MDN1: variants seen among roughly 807,000 people sequenced by gnomAD.
MDN1 encodes midasin AAA ATPase 1.
Under a neutral mutation model 669.2 loss-of-function variants are expected in MDN1, and 266 were observed. The observed-to-expected ratio is 0.40, with a 90% CI of 0.36 to 0.44. MDN1 has a LOEUF of 0.44. Ranked by LOEUF, MDN1 falls within the 20% of genes least tolerant of loss-of-function variation. The pLI is 1.00. For missense variants in MDN1, 5,940 were observed against 6,754.0 expected (o/e 0.88, Z 4.22); for synonymous variants, 2,385 against 2,457.1 (o/e 0.97, Z 0.87).
At chr6:89,747,292 A>G (rs1185036731) in intron 27 of MDN1, 37 bp downstream of exon 27, 1 of 1,589,970 alleles carries the variant, frequency 6.3e-7, no homozygotes, top group Admixed American at 1.9e-5. Flanking sequence ...GACATTTAAC[A>G]TAACTATATA....
chr6:89,689,811 AGCATCTATTT>A (rs1036819350), intron 65 of MDN1, 49 bp downstream of exon 65: 29 of 1,539,448 alleles, frequency 1.9e-5, no homozygotes. Flanking sequence ...GAGTAGCAAC[AGCATCTATTT>A]GCATTTGCTT....
At chr6:89,653,288 G>A in intron 93 of MDN1, 133 bp from the exon 94 acceptor site, 1 of 872,870 alleles carries the variant, frequency 1.1e-6, no homozygotes, top group Non-Finnish European at 1.7e-6. Context: ...TCCACATGTT[G>A]ATTTCAGAGG....
At chr6:89,721,732 G>A (rs1482555746) in intron 40 of MDN1, among the ~76,000 whole-genome samples, 2 of 152,062 alleles carry the variant, frequency 1.3e-5, no homozygotes, top group African/African-American at 2.4e-5. Flanking sequence ...TTTGTAGACC[G>A]CCTGATGGAG....
chr6:89,693,218 G>T, intron 62 of MDN1, 70 bp from the exon 63 acceptor site: 1 of 1,148,818 alleles, frequency 8.7e-7, no homozygotes, highest in Non-Finnish European at 1.2e-6. Flanking sequence ...TGGATCCTCA[G>T]CTAGGAAAAC....
At position 89,674,185 on chromosome 6, in the gene MDN1, T is replaced by A. The variant is rs777098912; in HGVS notation, c.13166A>T (p.Glu4389Val). ...CACTGTTTTAATGGTTTTTAGCATC[T>A]CTGTTAATCTCGTAGTTGACTGTTG... ...LWQQSTTRLT[E>V]MLKTIKTVKA... Residue 4389 changes from glutamate to valine, a missense_variant, in exon 79 of 102, where the codon GAG becomes GTG. Around this residue, in one of 5 missense-constraint regions of MDN1, gnomAD observed 2,280 missense variants for 2,576.3 expected, o/e 0.88. Transcript: ENST00000369393. 6.2e-6 allele frequency: 10 copies of A among 1,614,232 alleles called. No individual in the cohort carries two copies. The highest frequency in any genetic ancestry group is 1.6e-4 in the Middle Eastern group (1 of 6,062).
intron 48 of MDN1, 110 bp downstream of exon 48, chr6:89,712,465 C>A (rs1428018702): frequency 1.0e-5 from 12 of 1,143,746 alleles, no homozygotes; most frequent in Non-Finnish European, 1.4e-5. Flanking sequence ...GACAGCTACA[C>A]AATAAATGGC....
At position 89,707,469 on chromosome 6, in the gene MDN1, T is replaced by C. The variant is rs746934734; in HGVS notation, c.7906A>G (p.Ile2636Val). ...ACCCGTTTTTCCCGGTCAAGATATA[T>C]GATTGTCCTGGAATGAGATTCAAAA... ...LLESAANKTI[I>V]YLDREKRVFT... The change falls in exon 52 of 102, where the codon ATA becomes GTA. Residue 2636 changes from isoleucine to valine, a missense_variant. Physicochemically the swap from Ile to Val is conservative, Grantham distance 29 (BLOSUM62 3). This residue lies in a region of MDN1 where 2,292 missense variants were observed against 2,638.3 expected (regional missense o/e 0.87). Coordinates refer to ENST00000369393, the MANE Select transcript of MDN1 (RefSeq NM_014611.3). 3.7e-6 allele frequency: 6 copies of C among 1,602,690 alleles called. No individual in the cohort carries two copies. In the Admixed American group the frequency reaches 5.0e-5, roughly 13 times the overall value.
At chr6:89,646,347 T>A (rs1261220077) in intron 100 of MDN1, among the ~76,000 whole-genome samples, 193 bp downstream of exon 100, 1 of 152,210 alleles carries the variant, frequency 6.6e-6, no homozygotes, top group East Asian at 1.9e-4. Context: ...ATAAGCCTCA[T>A]GAGTACAGGT....
chr6:89,676,281 T>C (rs1401230469), intron 76 of MDN1, 74 bp from the exon 77 acceptor site: 9 of 1,315,078 alleles, frequency 6.8e-6, no homozygotes, highest in East Asian at 2.3e-5. Context: ...AACTCAGATA[T>C]TGGTATATTT....
At position 89,750,419 on chromosome 6, in the gene MDN1, G is replaced by A. The variant is rs772856536; in HGVS notation, c.3341C>T (p.Thr1114Met). The change falls in exon 24 of 102, where the codon ACG becomes ATG. Residue 1114 changes from threonine (T) to methionine (M), a missense_variant. Transcript: ENST00000369393. ...ACAACCAATGTACTCCTGAATATCC[G>A]TGTGTTCGTGATTATTAATACGCAC... ...HCVRINNHEH[T>M]DIQEYIGCYT... 13 of 1,613,800 alleles carry A rather than the reference G, an allele frequency of 8.1e-6. No homozygotes were observed. Among genetic ancestry groups the A allele is most frequent in the Admixed American group, 3.3e-5 (2 of 59,982 alleles).
intron 19 of MDN1, among the ~76,000 whole-genome samples, chr6:89,756,746 C>T (rs1457774976): frequency 6.6e-6 from 1 of 151,976 alleles, no homozygotes; most frequent in Non-Finnish European, 1.5e-5. Context: ...CATGGTGAAA[C>T]CCCGTCTCTA....
intron 31 of MDN1, among the ~76,000 whole-genome samples, chr6:89,742,046 G>A (rs1584298912): frequency 6.6e-6 from 1 of 152,012 alleles, no homozygotes; most frequent in African/African-American, 2.4e-5. Flanking sequence ...GGTTGCAGTG[G>A]GCCAAGATCG....
intron 82 of MDN1, among the ~76,000 whole-genome samples, chr6:89,671,536 T>C (rs1046429862): frequency 2.0e-5 from 3 of 152,052 alleles, no homozygotes; most frequent in African/African-American, 7.2e-5. Context: ...CTTTAAAAAT[T>C]AGCTGGGCAT....
chr6:89,654,025 G>C (rs763626285), intron 93 of MDN1, 139 bp downstream of exon 93: 10 of 1,016,582 alleles, frequency 9.8e-6, no homozygotes, highest in Non-Finnish European at 1.4e-5. Context: ...AAAATATAGT[G>C]AAATTATTAT....
At chr6:89,797,151 C>T (rs1046243275) in intron 2 of MDN1, among the ~76,000 whole-genome samples, 26 of 152,072 alleles carry the variant, frequency 1.7e-4, no homozygotes, top group African/African-American at 6.3e-4. Context: ...GGAGGTGGAT[C>T]ACAAGGTCAA....
chr6:89,738,846 G>C (rs1009951375), intron 32 of MDN1, among the ~76,000 whole-genome samples: 3 of 152,160 alleles, frequency 2.0e-5, no homozygotes, highest in Non-Finnish European at 4.4e-5. Context: ...CCACAGAGAA[G>C]GGCAGTCTGA....
rs1811758550 is a variant in MDN1, at chr6:89,683,123, A to G, written c.12102+9T>C. The G allele has an allele frequency of 1.2e-6, 2 of 1,613,934 alleles. No homozygotes were observed. Among genetic ancestry groups the G allele is most frequent in the East Asian group, 2.2e-5 (1 of 44,886 alleles). ...GGGAATAAGCCAGCACTGTCCCACA[A>G]CCAAGTACCTGCCCAGCTGCTGGTT... is the stretch of plus-strand genomic sequence containing the variant. On this transcript the variant is annotated intron_variant, in intron 73 of 101. Coordinates refer to ENST00000369393, the MANE Select transcript of MDN1 (RefSeq NM_014611.3).
intron 31 of MDN1, 93 bp from the exon 32 acceptor site, chr6:89,740,471 C>G: frequency 8.3e-6 from 10 of 1,206,512 alleles, no homozygotes; most frequent in Non-Finnish European, 1.1e-5. Flanking sequence ...AAAAAGTTAT[C>G]TTCTTTCTAC....
chr6:89,745,152 A>AT, intron 29 of MDN1, 121 bp downstream of exon 29: 18 of 1,018,472 alleles, frequency 1.8e-5, no homozygotes, highest in African/African-American at 3.3e-5. Context: ...AAAAAAAAAA[A>AT]GAAAAAAGAG....
Sources: gnomAD v4.1 joint callset for allele counts (sites outside exome capture counted in the v4.1 genomes callset) on GRCh38, gnomAD v4.1.1 for gene constraint, gnomAD v4.1.1 regional missense constraint, MANE v1.5 for transcripts, NCBI Gene and HGNC (gene_info 2026-07-23, HGNC 2026-07-21) for gene names.